The following UGT1A4 variants were observed in gnomAD, a reference collection of about 807,000 sequenced individuals.
UGT1A4 encodes the protein UDP glucuronosyltransferase family 1 member A4.
Under a neutral mutation model 41.1 loss-of-function variants are expected in UGT1A4, and 32 were observed. The observed-to-expected ratio is 0.78, with a 90% CI of 0.59 to 1.05. The LOEUF is 1.05. Ranked by LOEUF, UGT1A4 falls within the 50% of genes least tolerant of loss-of-function variation. The pLI is 0.00. For synonymous variants in UGT1A4, 283 were observed against 265.1 expected, an observed-to-expected ratio of 1.07 and a Z score of -0.66; for missense variants, 748 against 677.4, an observed-to-expected ratio of 1.10 and a Z score of -1.16.
In UGT1A4 at chr2:233,768,364, G is replaced by C; in HGVS notation, c.1232G>C (p.Gly411Ala). ...AAGCGCATGGAGACTAAGGGAGCTG[G>C]AGTGACCCTGAATGTTCTGGAAATG... is the stretch of plus-strand genomic sequence containing the variant. ...NAKRMETKGAGVTLNVLEMTS... is the reference protein window; with the variant it reads ...NAKRMETKGAAVTLNVLEMTS... The change falls in exon 4 of 5, where the codon GGA (glycine) becomes GCA (alanine). Residue 411 changes from glycine (G) to alanine (A), a missense_variant. Physicochemically the swap from Gly to Ala is moderately conservative, Grantham distance 60. Transcript: ENST00000373409. 2 of 1,614,172 alleles carry C rather than the reference G, an allele frequency of 1.2e-6. No homozygotes were observed. The highest frequency in any genetic ancestry group is 1.7e-6 in the Non-Finnish European group (2 of 1,180,034).
At chr2:233,724,815 G>A (rs1445822496) in intron 1 of UGT1A4, among the ~76,000 whole-genome samples, 1 of 137,052 alleles carries the variant, frequency 7.3e-6, no homozygotes, top group Admixed American at 7.2e-5. Context: ...GGCAGAGGCT[G>A]CAATCTCGGC....
intron 1 of UGT1A4, among the ~76,000 whole-genome samples, chr2:233,739,591 A>G (rs1168913581): frequency 1.3e-5 from 2 of 152,242 alleles, no homozygotes; most frequent in Non-Finnish European, 2.9e-5. Flanking sequence ...CATGGGGCCT[A>G]TAGCCCCTTT....
At chr2:233,729,361 A>G (rs781679584) in intron 1 of UGT1A4, 50 of 1,613,972 alleles carry the variant, frequency 3.1e-5, no homozygotes, top group Non-Finnish European at 3.8e-5. Flanking sequence ...CACCCTGACA[A>G]CCTATGCCAT....
Position 233,736,651 on chromosome 2 carries a change from G to A in UGT1A4, c.867+16964G>A, listed in dbSNP as rs2078789354. Reference sequence around the variant, plus strand: ...GCTCTAGTTTCCCCCCATCTTTGTGGTTTTATGTACCTTAGGTCTTTGATG... The same window carrying A: ...GCTCTAGTTTCCCCCCATCTTTGTGATTTTATGTACCTTAGGTCTTTGATG... On this transcript the variant is annotated intron_variant, in intron 1 of 4. Transcript: ENST00000373409. Among the ~76,000 whole-genome samples the A allele has an allele frequency of 2.0e-5, 3 of 152,328 alleles. No individual in the cohort carries two copies. The South Asian group carries it at 6.2e-4, about 32-fold the overall frequency.
chr2:233,757,560 A>ATATATATATATATATATATATATATG (rs904896556), intron 1 of UGT1A4, among the ~76,000 whole-genome samples: 17 of 123,144 alleles, frequency 1.4e-4, no homozygotes, highest in African/African-American at 3.1e-4. Flanking sequence ...ATATATATAT[A>ATATATATATATATATATATATATATG]TGTATATATG....
chr2:233,744,670 C>T (rs1462469986), intron 1 of UGT1A4, among the ~76,000 whole-genome samples: 1 of 151,906 alleles, frequency 6.6e-6, no homozygotes, highest in Non-Finnish European at 1.5e-5. Flanking sequence ...TGATATTACA[C>T]ATCACCCATG....
intron 1 of UGT1A4, among the ~76,000 whole-genome samples, chr2:233,756,691 G>C (rs1044916114): frequency 6.6e-6 from 1 of 152,108 alleles, no homozygotes; most frequent in Non-Finnish European, 1.5e-5. Flanking sequence ...ATATAATGAC[G>C]ATGAATTTTG....
At chr2:233,746,748 A>G in intron 1 of UGT1A4, among the ~76,000 whole-genome samples, 1 of 151,864 alleles carries the variant, frequency 6.6e-6, no homozygotes. Flanking sequence ...GTTCCAAAGC[A>G]GAGATTAATT....
chr2:233,723,417 T>A (rs2077082381), intron 1 of UGT1A4, among the ~76,000 whole-genome samples: 1 of 134,694 alleles, frequency 7.4e-6, no homozygotes, highest in Non-Finnish European at 1.6e-5. Context: ...ACCATACTGG[T>A]CAGGCTGGTC....
chr2:233,718,753 G>A lies in UGT1A4; in HGVS notation c.-68G>A. 1 of 1,612,362 alleles carries A rather than the reference G, an allele frequency of 6.2e-7. No homozygotes were observed. Among genetic ancestry groups the A allele is most frequent in the Non-Finnish European group, 8.5e-7 (1 of 1,179,964 alleles). ...GGTGGCTCAATGACAAGGTAATTAA[G>A]GCGAAGGAAACAAATGTAGCAGGCA... is the stretch of plus-strand genomic sequence containing the variant. On this transcript the variant is annotated 5_prime_UTR_variant, in exon 1 of 5. Transcript: ENST00000373409.
intron 4 of UGT1A4, 146 bp from the exon 5 acceptor site, chr2:233,772,116 A>AAAC (rs1252124628): frequency 7.8e-6 from 12 of 1,531,304 alleles, no homozygotes; most frequent in South Asian, 4.9e-5. Context: ...CTGTATCTAA[A>AAAC]AACAACAACA....
At chr2:233,730,107 G>A (rs2077985691) in intron 1 of UGT1A4, 1 of 1,570,754 alleles carries the variant, frequency 6.4e-7, no homozygotes, top group Non-Finnish European at 8.6e-7. Flanking sequence ...TTTCATTTCT[G>A]CTTCTCCTTG....
intron 1 of UGT1A4, among the ~76,000 whole-genome samples, chr2:233,733,906 G>A (rs576095795): frequency 6.6e-6 from 1 of 152,124 alleles, no homozygotes; most frequent in South Asian, 2.1e-4. Context: ...GTACCTCTCT[G>A]GTAGAATTCG....
chr2:233,765,884 C>T (rs1054179790), intron 1 of UGT1A4, among the ~76,000 whole-genome samples: 2 of 152,082 alleles, frequency 1.3e-5, no homozygotes, highest in African/African-American at 4.8e-5. Context: ...CTCACTTTCT[C>T]AGTGCGCCAC....
intron 1 of UGT1A4, among the ~76,000 whole-genome samples, chr2:233,751,411 T>C (rs1183802209): frequency 1.3e-5 from 2 of 152,166 alleles, no homozygotes; most frequent in Admixed American, 6.5e-5. Flanking sequence ...ACTATGGACT[T>C]TTGAGCTAGT....
chr2:233,743,821 G>A (rs375309664), intron 1 of UGT1A4: 180 of 1,367,120 alleles, frequency 1.3e-4, no homozygotes, highest in Middle Eastern at 2.1e-4. Flanking sequence ...GGTTTTTGTC[G>A]GGGTGCCACT....
At chr2:233,728,345 G>A (rs2077703623) in intron 1 of UGT1A4, among the ~76,000 whole-genome samples, 1 of 152,208 alleles carries the variant, frequency 6.6e-6, no homozygotes, top group Non-Finnish European at 1.5e-5. Context: ...GTCCCTTGGT[G>A]AGCAGGAGCT....
intron 1 of UGT1A4, among the ~76,000 whole-genome samples, chr2:233,765,603 T>TG (rs1226627495): frequency 6.6e-6 from 1 of 151,130 alleles, no homozygotes; most frequent in African/African-American, 2.4e-5. Context: ...CCAGGGCTTG[T>TG]GGCGGGGTGA....
intron 1 of UGT1A4, among the ~76,000 whole-genome samples, chr2:233,727,123 C>T (rs2077584182): frequency 1.3e-5 from 2 of 152,116 alleles, no homozygotes; most frequent in Non-Finnish European, 2.9e-5. Flanking sequence ...GTGAGATTGG[C>T]AGAGGGGAAC....
Sources: allele counts gnomAD v4.1 joint callset (sites outside exome capture counted in the v4.1 genomes callset), GRCh38; gene constraint gnomAD v4.1.1; transcripts MANE v1.5; gene names NCBI Gene and HGNC (gene_info 2026-07-23, HGNC 2026-07-21).